The following CBX8 variants were observed in gnomAD, a reference collection of about 807,000 sequenced individuals.
CBX8 encodes chromobox protein homolog 8.
In CBX8, 8 loss-of-function variants were observed where a neutral mutation model predicts 39.7. The ratio of observed to expected loss-of-function variants is 0.20; its 90% CI spans 0.12 to 0.36. The LOEUF (loss-of-function observed/expected upper bound fraction) is 0.36, where lower values mean the gene tolerates loss of function less well. Among genes scored for constraint, CBX8 ranks in the 10% least tolerant of loss-of-function variants. The pLI, the probability that CBX8 is intolerant of heterozygous loss-of-function variation, is 1.00. For missense variants in CBX8, 505 were observed against 529.6 expected (o/e 0.95, Z 0.46); for synonymous variants, 268 against 219.8 (o/e 1.22, Z -1.94).
chr17:79,796,009 A>C, intron 4 of CBX8, 48 bp downstream of exon 4: 1 of 1,573,910 alleles, frequency 6.4e-7, no homozygotes, highest in Non-Finnish European at 8.7e-7. Flanking sequence ...CCCTTCCCAC[A>C]AATCACTCCA....
rs1908013499 is a variant in CBX8, at chr17:79,794,959, G to A, written c.846C>T (p.Ala282=). 4 of 1,604,764 alleles carry A rather than the reference G, an allele frequency of 2.5e-6. No individual in the cohort carries two copies. The highest frequency in any genetic ancestry group is 2.3e-5 in the East Asian group (1 of 44,440). The change falls in exon 5 of 5, where the codon GCC becomes GCT. Residue 282 remains alanine (A), a synonymous_variant. Transcript: ENST00000269385. ...TGKLAVDTFP[A]RVIKHRAAFL... The stretch of plus-strand genomic sequence containing the variant: ...AGGCAGCCCTGTGCTTTATCACCCT[G>A]GCCGGGAAGGTGTCCACAGCCAGTT...
intron 1 of CBX8, 29 bp from the exon 2 acceptor site, chr17:79,796,569 G>A (rs747721758): frequency 1.8e-5 from 29 of 1,613,234 alleles, no homozygotes; most frequent in Non-Finnish European, 2.2e-5. Context: ...TAATGTGTGT[G>A]CATGGGGAGA....
chr17:79,796,899 G>T, intron 1 of CBX8, 31 bp downstream of exon 1: 1 of 1,581,598 alleles, frequency 6.3e-7, no homozygotes, highest in Non-Finnish European at 8.6e-7. Flanking sequence ...GGGCCCGGCC[G>T]CACGGAGGCC....
intron 1 of CBX8, 136 bp from the exon 2 acceptor site, chr17:79,796,676 C>T: frequency 1.0e-6 from 1 of 975,226 alleles, no homozygotes. Flanking sequence ...GCTGCATCAC[C>T]CCTGCACCTA....
At position 79,794,122 on chromosome 17, in the gene CBX8, G is replaced by C. The variant is rs1203706998; in HGVS notation, c.*513C>G. The C allele has an allele frequency of 6.6e-6, 1 of 151,780 alleles. No homozygotes were observed. The highest frequency in any genetic ancestry group is 2.4e-5 in the African/African-American group (1 of 41,308). 9.4% of individuals were successfully genotyped at this position (151,780 alleles called of 1,614,324 possible). On this transcript the variant is annotated 3_prime_UTR_variant, in exon 5 of 5. Transcript: ENST00000269385. ...TTTCTGATTGGGGAGCCAACCTTTT[G>C]TTGGCCTGCCTGGCCAATGGGAAGA...
At position 79,797,076 on chromosome 17, in the gene CBX8, C is replaced by A. The variant is rs971915866; in HGVS notation, c.-78G>T. The A allele has an allele frequency of 6.2e-5, 85 of 1,362,448 alleles. No homozygotes were observed. The highest frequency in any genetic ancestry group is 8.3e-5 in the Non-Finnish European group (83 of 1,003,752). 84.4% of individuals were successfully genotyped at this position (1,362,448 alleles called of 1,614,324 possible). On this transcript the variant is annotated 5_prime_UTR_variant, in exon 1 of 5. Transcript: ENST00000269385. ...CCAGCGCACGACAGACCATAATACT[C>A]TCCCGCTGACGTCAGTTCTCCTCCC... is the stretch of plus-strand genomic sequence containing the variant.
chr17:79,794,894 C>A lies in CBX8; in HGVS notation c.911G>T (p.Gly304Val). Residue 304 changes from glycine to valine, a missense_variant, in exon 5 of 5, where the codon GGC (glycine) becomes GTC (valine). Gly to Val is a moderately radical substitution (Grantham distance 109, BLOSUM62 -3). This residue lies in a region of CBX8 where 456 missense variants were observed against 389.2 expected (regional missense o/e 1.17). Coordinates refer to ENST00000269385, the MANE Select transcript of CBX8 (RefSeq NM_020649.3). ...AKGQGALDPN[G>V]TRVRHGSGPP... ...GCCTGAGCCATGTCGGACCCGGGTGCCATTGGGATCTAGGGCACCCTGGCC... is the reference window on the plus strand; with the variant it reads ...GCCTGAGCCATGTCGGACCCGGGTGACATTGGGATCTAGGGCACCCTGGCC... 1 of 1,610,894 alleles carries A rather than the reference C, an allele frequency of 6.2e-7. No individual in the cohort carries two copies. The highest frequency in any genetic ancestry group is 8.5e-7 in the Non-Finnish European group (1 of 1,178,500).
chr17:79,795,284 C>G lies in CBX8; in HGVS notation c.521G>C (p.Arg174Pro), dbSNP rs750716232. The G allele has an allele frequency of 6.2e-7, 1 of 1,600,136 alleles. No homozygotes were observed. Among genetic ancestry groups the G allele is most frequent in the Non-Finnish European group, 8.5e-7 (1 of 1,173,344 alleles). Reference sequence around the variant, plus strand: ...GGTACCCCGCTCTCGTTCCCTCTCACGTTCCCGCTCCCTCTCTCGCTCCCT... The same window carrying G: ...GGTACCCCGCTCTCGTTCCCTCTCAGGTTCCCGCTCCCTCTCTCGCTCCCT... ...RERERERERE[R>P]ERERERGTSR... Residue 174 changes from arginine (R) to proline (P), a missense_variant, in exon 5 of 5, where the codon CGT becomes CCT. Physicochemically the swap from Arg to Pro is moderately radical, Grantham distance 103 (BLOSUM62 -2). Around this residue, in one of 3 missense-constraint regions of CBX8, gnomAD observed 456 missense variants for 389.2 expected, o/e 1.17. Transcript: ENST00000269385. This position sits in a 1 kb window ranked among gnomAD's most constrained non-coding sequence, Gnocchi z 5.8.
Position 79,793,153 on chromosome 17 carries a change from G to A in CBX8, c.*1482C>T, listed in dbSNP as rs1369189390. 6.6e-6 allele frequency: 1 copy of A among 152,224 alleles called. No individual in the cohort carries two copies. The highest frequency in any genetic ancestry group is 1.5e-5 in the Non-Finnish European group (1 of 68,054). 9.4% of individuals were successfully genotyped at this position (152,224 alleles called of 1,614,324 possible). A position where few individuals can be genotyped will look rare whatever the true frequency, so the allele number is the denominator to read the frequency against. On this transcript the variant is annotated 3_prime_UTR_variant, in exon 5 of 5. Coordinates refer to ENST00000269385, the MANE Select transcript of CBX8 (RefSeq NM_020649.3). ...GAGCGCAGAGCGGTCAAGTCCGCCG[G>A]GCAGGGGCGTCCCAGGCCCCGCCGC...
At position 79,795,450 on chromosome 17, in the gene CBX8, G is replaced by C; in HGVS notation, c.355C>G (p.Arg119Gly). Residue 119 changes from arginine (R) to glycine (G), a missense_variant, in exon 5 of 5, where the codon CGG becomes GGG. This residue lies in a region of CBX8 where 456 missense variants were observed against 389.2 expected (regional missense o/e 1.17). Transcript: ENST00000269385. The surrounding 1 kb of genome is among the most constrained non-coding windows in gnomAD (Gnocchi z 5.8). ...ATGTTTCGAAGGCCCTCCCGGGCCC[G>C]GGAAGTGGAGGCCAGGTCCTGGGGC... ...RSPQDLASTSRAREGLRNMGL... is the reference protein window; with the variant it reads ...RSPQDLASTSGAREGLRNMGL... The C allele has an allele frequency of 2.5e-6, 4 of 1,606,086 alleles. No individual in the cohort carries two copies. The highest frequency in any genetic ancestry group is 3.4e-6 in the Non-Finnish European group (4 of 1,176,332).
chr17:79,795,960 CAT>C lies in CBX8; in HGVS notation c.246+95_246+96del, dbSNP rs1249061483. The C allele has an allele frequency of 6.6e-6, 7 of 1,066,934 alleles. No homozygotes were observed. The East Asian group carries it at 9.4e-5, about 14-fold the overall frequency. 66.1% of individuals were successfully genotyped at this position (1,066,934 alleles called of 1,614,324 possible). A position where few individuals can be genotyped will look rare whatever the true frequency, so the allele number is the denominator to read the frequency against. On this transcript the variant is annotated intron_variant, in intron 4 of 4. Coordinates refer to ENST00000269385, the MANE Select transcript of CBX8 (RefSeq NM_020649.3). The surrounding 1 kb of genome is among the most constrained non-coding windows in gnomAD (Gnocchi z 5.8). ...TCCCTCCTACATTACAAATAGGCAA[CAT>C]GTGTGGACACCCCATTGGCTCACAG...
Position 79,794,698 on chromosome 17 carries a change from G to A in CBX8, c.1107C>T (p.Asn369=), listed in dbSNP as rs761026586. Residue 369 remains asparagine (N), a synonymous_variant, in exon 5 of 5, where the codon AAC becomes AAT. Transcript: ENST00000269385. ...TTTCCTTAATGGTGACGGTCAAAAA[G>A]TTTGAGGTCACGTCCGTGACCACCA... ...EKVVVTDVTS[N]FLTVTIKESN... 7.5e-6 allele frequency: 12 copies of A among 1,598,588 alleles called. No individual in the cohort carries two copies. Among genetic ancestry groups the A allele is most frequent in the Non-Finnish European group, 9.4e-6 (11 of 1,175,724 alleles).
At position 79,795,633 on chromosome 17, in the gene CBX8, A is replaced by T. The variant is rs1908057462; in HGVS notation, c.247-75T>A. The T allele has an allele frequency of 1.1e-6, 1 of 907,474 alleles. No individual in the cohort carries two copies. Among genetic ancestry groups the T allele is most frequent in the Admixed American group, 5.9e-5 (1 of 16,904 alleles). 56.2% of individuals were successfully genotyped at this position (907,474 alleles called of 1,614,324 possible). On this transcript the variant is annotated intron_variant, in intron 4 of 4. Coordinates refer to ENST00000269385, the MANE Select transcript of CBX8 (RefSeq NM_020649.3). The surrounding 1 kb of genome is among the most constrained non-coding windows in gnomAD (Gnocchi z 5.8). ...CCACAGGACTCCTCCTCTATCCCTG[A>T]CCTCCTATCTTTACCCTATGATGCC...
Position 79,797,059 on chromosome 17 carries a change from C to A in CBX8, c.-61G>T. The A allele has an allele frequency of 6.6e-7, 1 of 1,524,320 alleles. No individual in the cohort carries two copies. The highest frequency in any genetic ancestry group is 2.4e-5 in the East Asian group (1 of 41,206). The allele number at this position is 1,524,320 out of a possible 1,614,324, so 94.4% of individuals were successfully genotyped here. On this transcript the variant is annotated 5_prime_UTR_variant, in exon 1 of 5. Coordinates refer to ENST00000269385, the MANE Select transcript of CBX8 (RefSeq NM_020649.3). ...GAGCAGAAAAGCAGCAGCCAGCGCA[C>A]GACAGACCATAATACTCTCCCGCTG...
chr17:79,795,446 G>T lies in CBX8; in HGVS notation c.359C>A (p.Ala120Asp). 6.2e-7 allele frequency: 1 copy of T among 1,606,610 alleles called. No homozygotes were observed. Residue 120 changes from alanine (A) to aspartate (D), a missense_variant, in exon 5 of 5, where the codon GCC becomes GAC. Around this residue, in one of 3 missense-constraint regions of CBX8, gnomAD observed 456 missense variants for 389.2 expected, o/e 1.17. Coordinates refer to ENST00000269385, the MANE Select transcript of CBX8 (RefSeq NM_020649.3). The surrounding 1 kb of genome is among the most constrained non-coding windows in gnomAD (Gnocchi z 5.8). ...ACCCATGTTTCGAAGGCCCTCCCGG[G>T]CCCGGGAAGTGGAGGCCAGGTCCTG... ...SPQDLASTSR[A>D]REGLRNMGLS... is the part of the protein sequence containing the mutation.
rs780253748 is a variant in CBX8 at position 79,796,200 on chromosome 17, C to A, written c.179+50G>T. 3 of 1,613,206 alleles carry A rather than the reference C, an allele frequency of 1.9e-6. No individual in the cohort carries two copies. Among genetic ancestry groups the A allele is most frequent in the Admixed American group, 1.7e-5 (1 of 60,024 alleles). On this transcript the variant is annotated intron_variant, in intron 3 of 4. Transcript: ENST00000269385. The stretch of plus-strand genomic sequence containing the variant: ...GACTCTAGTCCAGGCTGGAAAGAAG[C>A]CACTCTACTTGTTTCTAAGTGAGCG...
In CBX8 at chr17:79,795,262, A is replaced by G; in HGVS notation, c.543T>C (p.Gly181=). The G allele has an allele frequency of 6.2e-7, 1 of 1,610,406 alleles. No homozygotes were observed. The highest frequency in any genetic ancestry group is 8.5e-7 in the Non-Finnish European group (1 of 1,178,712). Reference sequence around the variant, plus strand: ...TGGGCTTGTCATCCACTCTGCTGGTACCCCGCTCTCGTTCCCTCTCACGTT... The same window carrying G: ...TGGGCTTGTCATCCACTCTGCTGGTGCCCCGCTCTCGTTCCCTCTCACGTT... The part of the protein sequence containing the change: ...ERERERERER[G]TSRVDDKPSS... Residue 181 remains glycine (G), a synonymous_variant, in exon 5 of 5, where the codon GGT becomes GGC. Coordinates refer to ENST00000269385, the MANE Select transcript of CBX8 (RefSeq NM_020649.3). The surrounding 1 kb of genome is among the most constrained non-coding windows in gnomAD (Gnocchi z 5.8).
intron 2 of CBX8, 43 bp downstream of exon 2, chr17:79,796,454 C>T (rs760163642): frequency 6.2e-7 from 1 of 1,612,858 alleles, no homozygotes; most frequent in Admixed American, 1.7e-5. Flanking sequence ...AGAAACCTCC[C>T]GAATAACAGT....
chr17:79,795,241 C>G lies in CBX8; in HGVS notation c.564G>C (p.Lys188Asn), dbSNP rs1477164132. 2 of 1,612,512 alleles carry G rather than the reference C, an allele frequency of 1.2e-6. No homozygotes were observed. Among genetic ancestry groups the G allele is most frequent in the African/African-American group, 2.7e-5 (2 of 74,938 alleles). ...RERGTSRVDD[K>N]PSSPGDSSKK... ...TCGAGCTGTCCCCCGGTGAGCTGGGCTTGTCATCCACTCTGCTGGTACCCC... is the reference window on the plus strand; with the variant it reads ...TCGAGCTGTCCCCCGGTGAGCTGGGGTTGTCATCCACTCTGCTGGTACCCC... The change falls in exon 5 of 5, where the codon AAG (lysine) becomes AAC (asparagine). Residue 188 changes from lysine to asparagine, a missense_variant. Around this residue, in one of 3 missense-constraint regions of CBX8, gnomAD observed 456 missense variants for 389.2 expected, o/e 1.17. Coordinates refer to ENST00000269385, the MANE Select transcript of CBX8 (RefSeq NM_020649.3). This position sits in a 1 kb window ranked among gnomAD's most constrained non-coding sequence, Gnocchi z 5.8.
Sources: gnomAD v4.1 joint callset for allele counts on GRCh38, gnomAD v4.1.1 for gene constraint, gnomAD v4.1.1 regional missense constraint, Gnocchi (gnomAD v3.1) non-coding constraint, MANE v1.5 for transcripts, NCBI Gene and HGNC (gene_info 2026-07-23, HGNC 2026-07-21) for gene names.